Variants in DYDC2 observed in about 807,000 individuals in gnomAD.
The protein encoded by DYDC2 is DPY30 domain-containing protein 2.
Under a neutral mutation model 18.7 loss-of-function variants are expected in DYDC2, and 19 were observed. The observed-to-expected ratio is 1.02, with a 90% CI of 0.71 to 1.49. The LOEUF is 1.49. DYDC2 is among the 40% of genes most tolerant of loss of function. The pLI, the probability that DYDC2 is intolerant of heterozygous loss-of-function variation, is 0.00. For missense variants in DYDC2, 179 were observed against 205.1 expected (o/e 0.87, Z 0.78); for synonymous variants, 63 against 67.6 (o/e 0.93, Z 0.34).
intron 2 of DYDC2, among the ~76,000 whole-genome samples, chr10:80,361,166 CT>C (rs368695312): frequency 0.071 from 10,654 of 150,230 alleles, 364 homozygotes; most frequent in Middle Eastern, 0.11. Context: ...AACAGTTACT[CT>C]TTTTTTTTTC....
chr10:80,351,547 T>C (rs1842975069), intron 1 of DYDC2, among the ~76,000 whole-genome samples: 1 of 152,134 alleles, frequency 6.6e-6, no homozygotes, highest in East Asian at 1.9e-4. Flanking sequence ...ATGAACACTT[T>C]TCCATTCAGC....
At chr10:80,346,707 G>A (rs148035577) in intron 1 of DYDC2, among the ~76,000 whole-genome samples, 2,738 of 151,400 alleles carry the variant, frequency 0.018, 96 homozygotes, top group African/African-American at 0.063. Flanking sequence ...TGATCTGCCC[G>A]CCTCAGCCTC....
chr10:80,344,978 G>C (rs1340065039), intron 1 of DYDC2, among the ~76,000 whole-genome samples: 1 of 152,196 alleles, frequency 6.6e-6, no homozygotes. Flanking sequence ...AATCTGCTAA[G>C]ATGTGTCATA....
rs1405722887 is a variant in DYDC2 at position 80,362,965 on chromosome 10, G to T, written c.162G>T (p.Lys54Asn). 2 of 1,613,550 alleles carry T rather than the reference G, an allele frequency of 1.2e-6. No homozygotes were observed. Among genetic ancestry groups the T allele is most frequent in the South Asian group, 1.1e-5 (1 of 90,856 alleles). The change falls in exon 4 of 5, where the codon AAG becomes AAT. Residue 54 changes from lysine to asparagine, a missense_variant. Lys to Asn is a moderately conservative substitution (Grantham distance 94, BLOSUM62 0). Coordinates refer to ENST00000256039, the MANE Select transcript of DYDC2 (RefSeq NM_032372.6). ...AKAKEENREKKIHLQEEYDSS... is the reference protein window; with the variant it reads ...AKAKEENREKNIHLQEEYDSS... ...CCTCACCCCAGAATAGGGAAAAGAA[G>T]ATCCACCTGCAGGAGGAATATGACA...
chr10:80,353,264 C>T (rs1329141987), upstream of DYDC2, among the ~76,000 whole-genome samples: 2 of 151,982 alleles, frequency 1.3e-5, no homozygotes, highest in African/African-American at 4.8e-5. Flanking sequence ...AGTTCACCTC[C>T]AGACATCATC....
At chr10:80,353,296 T>C (rs1843114058), upstream of DYDC2, among the ~76,000 whole-genome samples, 1 of 151,928 alleles carries the variant, frequency 6.6e-6, no homozygotes, top group South Asian at 2.1e-4. Context: ...CAGCACACCC[T>C]GGGCTCTAAT....
intron 1 of DYDC2, among the ~76,000 whole-genome samples, chr10:80,351,335 C>T (rs991110296): frequency 4.6e-5 from 7 of 151,866 alleles, no homozygotes; most frequent in Non-Finnish European, 7.4e-5. Flanking sequence ...GCTGACCCTA[C>T]GAATCATCCA....
At chr10:80,360,467 AG>A (rs1564673135) in intron 2 of DYDC2, among the ~76,000 whole-genome samples, 1 of 152,146 alleles carries the variant, frequency 6.6e-6, no homozygotes, top group Admixed American at 6.5e-5. Context: ...GTTCCTACTC[AG>A]ATAATCCAGG....
chr10:80,347,547 T>C (rs1293131061), intron 1 of DYDC2, among the ~76,000 whole-genome samples: 1 of 152,220 alleles, frequency 6.6e-6, no homozygotes, highest in African/African-American at 2.4e-5. Context: ...AGGAGCTTTT[T>C]CTACATTATG....
chr10:80,366,028 C>CTTTTTTTTTT (rs770351822), intron 4 of DYDC2, among the ~76,000 whole-genome samples: 3 of 90,324 alleles, frequency 3.3e-5, no homozygotes, highest in Non-Finnish European at 4.2e-5. Flanking sequence ...TTTTCTTTCT[C>CTTTTTTTTTT]TTTTTTTTTT....
chr10:80,362,952 A>G lies in DYDC2; in HGVS notation c.149A>G (p.Asn50Ser), dbSNP rs747303304. 2.5e-5 allele frequency: 40 copies of G among 1,612,994 alleles called. No homozygotes were observed. The highest frequency in any genetic ancestry group is 3.3e-5 in the Non-Finnish European group (39 of 1,179,552). Residue 50 changes from asparagine to serine, a missense_variant and splice_region_variant, in exon 4 of 5, where the codon AAT becomes AGT. Transcript: ENST00000256039. ...YRKTAKAKEE[N>S]REKKIHLQEE... The stretch of plus-strand genomic sequence containing the variant: ...TTTGACTCTGTCACCTCACCCCAGA[A>G]TAGGGAAAAGAAGATCCACCTGCAG...
upstream of DYDC2, among the ~76,000 whole-genome samples, chr10:80,354,979 T>C (rs1843271013): frequency 1.3e-5 from 2 of 151,774 alleles, no homozygotes; most frequent in East Asian, 1.9e-4. Flanking sequence ...TCAATAAATA[T>C]GAAATTGCAG....
In DYDC2 at chr10:80,363,511, A is replaced by AGTT. The variant is rs35505876; in HGVS notation, c.270+438_270+439insGTT. ...AGGCACATGCCACCACGCCCGGCTA[A>AGTT]TTTTTTTTTTTTTTTTTTAGTAGAG... On this transcript the variant is annotated intron_variant, in intron 4 of 4. Transcript: ENST00000256039. Among the ~76,000 whole-genome samples the AGTT allele has an allele frequency of 7.8e-5, 11 of 140,430 alleles. 2 individuals are homozygous for AGTT. The highest frequency in any genetic ancestry group is 2.3e-4 in the South Asian group (1 of 4,342). The allele number at this position is 140,430 out of a possible 152,430, so 92.1% of individuals were successfully genotyped here. A position where few individuals can be genotyped will look rare whatever the true frequency, so the allele number is the denominator to read the frequency against.
At chr10:80,361,949 C>A (rs1843675218) in intron 2 of DYDC2, among the ~76,000 whole-genome samples, 1 of 152,194 alleles carries the variant, frequency 6.6e-6, no homozygotes, top group African/African-American at 2.4e-5. Context: ...GGTTTATATG[C>A]TTAGCGTGCT....
At chr10:80,363,772 A>C (rs891810832) in intron 4 of DYDC2, among the ~76,000 whole-genome samples, 3 of 152,198 alleles carry the variant, frequency 2.0e-5, no homozygotes, top group Non-Finnish European at 4.4e-5. Flanking sequence ...TTATCAGTGC[A>C]TACTTCAGAT....
upstream of DYDC2, chr10:80,351,978 C>T (rs374835655): frequency 6.2e-6 from 10 of 1,614,040 alleles, no homozygotes; most frequent in Non-Finnish European, 8.5e-6. Flanking sequence ...CTTTCACGCT[C>T]CAGCTTGGCC....
chr10:80,347,131 CAT>C (rs1319845958), intron 1 of DYDC2, among the ~76,000 whole-genome samples: 1 of 151,726 alleles, frequency 6.6e-6, no homozygotes, highest in Non-Finnish European at 1.5e-5. Flanking sequence ...GGTGGTATCT[CAT>C]AGTGGTTTTG....
At chr10:80,358,928 A>G (rs1564672225) in intron 2 of DYDC2, among the ~76,000 whole-genome samples, 1 of 152,186 alleles carries the variant, frequency 6.6e-6, no homozygotes, top group Non-Finnish European at 1.5e-5. Context: ...TTCAGAAGTG[A>G]AGCTGCAGAC....
At chr10:80,353,162 A>G (rs1167774973), upstream of DYDC2, among the ~76,000 whole-genome samples, 1 of 151,972 alleles carries the variant, frequency 6.6e-6, no homozygotes, top group Non-Finnish European at 1.5e-5. Context: ...AAAAAAAAAA[A>G]TCCATAAATT....
Sources: allele counts gnomAD v4.1 joint callset (sites outside exome capture counted in the v4.1 genomes callset), GRCh38; gene constraint gnomAD v4.1.1; transcripts MANE v1.5; gene names NCBI Gene and HGNC (gene_info 2026-07-23, HGNC 2026-07-21).